Variants in CCDC171 observed in about 807,000 individuals in gnomAD.
CCDC171 encodes coiled-coil domain containing 171.
In CCDC171, 177 loss-of-function variants were observed where a neutral mutation model predicts 168.2. The ratio of observed to expected loss-of-function variants is 1.05; its 90% CI spans 0.93 to 1.19. The LOEUF is 1.19. Among genes scored for constraint, CCDC171 ranks in the 50% most tolerant of loss-of-function variants. The pLI, the probability that CCDC171 is intolerant of heterozygous loss-of-function variation, is 0.00. For missense variants in CCDC171, 1,991 were observed against 1,539.0 expected, an observed-to-expected ratio of 1.29 and a Z score of -4.91; for synonymous variants, 687 against 540.8, an observed-to-expected ratio of 1.27 and a Z score of -3.75.
intron 18 of CCDC171, among the ~76,000 whole-genome samples, chr9:15,777,093 C>T (rs1181070977): frequency 6.6e-6 from 1 of 152,184 alleles, no homozygotes; most frequent in Non-Finnish European, 1.5e-5. Context: ...ATGAATCTAG[C>T]AGTAAGCAGG....
At chr9:16,105,923 C>T in the CCDC171 span, among the ~76,000 whole-genome samples, 1 of 152,230 alleles carries the variant, frequency 6.6e-6, no homozygotes, top group Admixed American at 6.5e-5. Flanking sequence ...ACAGATTCTT[C>T]TGGCCAAGAA....
intron 7 of CCDC171, among the ~76,000 whole-genome samples, chr9:15,625,086 A>T (rs2044942558): frequency 6.6e-6 from 1 of 152,098 alleles, no homozygotes; most frequent in Admixed American, 6.6e-5. Context: ...GCATTTTTTC[A>T]TGTGTCTGTT....
At chr9:15,897,193 A>G (rs1280530396) in intron 24 of CCDC171, among the ~76,000 whole-genome samples, 10 of 152,078 alleles carry the variant, frequency 6.6e-5, no homozygotes, top group African/African-American at 2.4e-4. Context: ...TACTGATGCT[A>G]ACAGGTCCTT....
rs144569117 is a variant in CCDC171 at position 15,740,767 on chromosome 9, A to G, written c.2050-3506A>G. Among the ~76,000 whole-genome samples, 406 of 152,184 alleles carry G rather than the reference A, an allele frequency of 2.7e-3. 3 individuals are homozygous for G. The highest frequency in any genetic ancestry group is 8.3e-3 in the African/African-American group (345 of 41,542). ...AATTAGAGGTTTTGTTGGTGTTTCA[A>G]TATGTGGTGGGGCTGTTCCCCTCTC... On this transcript the variant is annotated intron_variant, in intron 16 of 25. Coordinates refer to ENST00000380701, the MANE Select transcript of CCDC171 (RefSeq NM_173550.4).
chr9:15,936,994 G>C (rs1409537242), intron 25 of CCDC171, among the ~76,000 whole-genome samples: 1 of 152,006 alleles, frequency 6.6e-6, no homozygotes, highest in African/African-American at 2.4e-5. Context: ...GGACATTAAA[G>C]GGATAGTTAA....
chr9:16,049,705 C>T lies in CCDC171; in HGVS notation n.89+6819C>T, dbSNP rs535678045. Among the ~76,000 whole-genome samples the T allele has an allele frequency of 1.0e-3, 156 of 152,160 alleles. 5 individuals are homozygous for T. In the South Asian group the frequency reaches 0.031, roughly 30 times the overall value. ...GACAGAGCCACACTACCAGCATCCC[C>T]GGGTCTCCAGCTTGCAGATGGCCTG... is the stretch of plus-strand genomic sequence containing the variant. On this transcript the variant is annotated intron_variant and non_coding_transcript_variant, in intron 1 of 1. Transcript: ENST00000478913.
At chr9:15,897,344 A>G (rs532772658) in intron 24 of CCDC171, among the ~76,000 whole-genome samples, 9 of 151,972 alleles carry the variant, frequency 5.9e-5, no homozygotes, top group African/African-American at 2.2e-4. Context: ...TCTAAGCTTA[A>G]TTTTTTCCCA....
At chr9:15,722,444 A>G (rs1481921859) in intron 12 of CCDC171, among the ~76,000 whole-genome samples, 2 of 152,166 alleles carry the variant, frequency 1.3e-5, no homozygotes, top group Non-Finnish European at 2.9e-5. Context: ...TCCCATTTGT[A>G]TTGTTTAATG....
At chr9:15,849,392 A>G (rs2130790800) in intron 23 of CCDC171, among the ~76,000 whole-genome samples, 1 of 151,432 alleles carries the variant, frequency 6.6e-6, no homozygotes, top group Admixed American at 6.6e-5. Context: ...TGTTATTCAA[A>G]TTGAAATTTT....
At position 15,614,106 on chromosome 9, in the gene CCDC171, C is replaced by T. The variant is rs190605637; in HGVS notation, c.676-9161C>T. 3.4e-3 allele frequency among the ~76,000 whole-genome samples: 519 copies of T among 152,326 alleles called. 1 individual carries two copies. Among genetic ancestry groups the T allele is most frequent in the Non-Finnish European group, 5.2e-3 (355 of 68,038 alleles). ...CAAAACTCTGCCTTAGCCTTTGCTT[C>T]CTACTTGCACAGAGCCTTAAGGTCA... On this transcript the variant is annotated intron_variant, in intron 6 of 25. Coordinates refer to ENST00000380701, the MANE Select transcript of CCDC171 (RefSeq NM_173550.4).
chr9:15,897,790 G>A (rs944229750), intron 24 of CCDC171, among the ~76,000 whole-genome samples: 37 of 152,174 alleles, frequency 2.4e-4, no homozygotes, highest in Non-Finnish European at 4.9e-4. Context: ...GGAAAGCCTG[G>A]ATTAAGTCTA....
chr9:15,903,160 G>GT (rs1821961376), intron 24 of CCDC171, among the ~76,000 whole-genome samples: 1 of 152,198 alleles, frequency 6.6e-6, no homozygotes, highest in Admixed American at 6.5e-5. Context: ...AAATGTCCCT[G>GT]TCTGACAGCT....
Position 15,594,179 on chromosome 9 carries a change from T to C in CCDC171, c.675+7T>C, listed in dbSNP as rs1396308478. The stretch of plus-strand genomic sequence containing the variant: ...ATTACAATTTATAGTACAGGTATTT[T>C]AAAAATAATCAGTTCCTTAAATATA... On this transcript the variant is annotated splice_region_variant and intron_variant, in intron 6 of 25. Transcript: ENST00000380701. 7.5e-7 allele frequency: 1 copy of C among 1,325,432 alleles called. No homozygotes were observed. Among genetic ancestry groups the C allele is most frequent in the African/African-American group, 1.5e-5 (1 of 66,906 alleles). The allele number at this position is 1,325,432 out of a possible 1,614,324, so 82.1% of individuals were successfully genotyped here.
At chr9:15,595,440 T>C (rs1035736973) in intron 6 of CCDC171, among the ~76,000 whole-genome samples, 32 of 152,278 alleles carry the variant, frequency 2.1e-4, no homozygotes, top group African/African-American at 7.5e-4. Flanking sequence ...AGAATGATGG[T>C]TTCCAGCTTC....
At chr9:16,047,695 G>T (rs1401958047) in intron 1 of CCDC171, among the ~76,000 whole-genome samples, 1 of 152,202 alleles carries the variant, frequency 6.6e-6, no homozygotes, top group African/African-American at 2.4e-5. Flanking sequence ...ACGTGGATTT[G>T]AATCCTGGTA....
intron 18 of CCDC171, among the ~76,000 whole-genome samples, chr9:15,763,578 A>G (rs1374127978): frequency 6.6e-6 from 1 of 152,198 alleles, no homozygotes; most frequent in African/African-American, 2.4e-5. Context: ...CACTCCAGAA[A>G]TGCCAAGGTT....
chr9:15,654,547 T>G (rs1198707295), intron 7 of CCDC171, among the ~76,000 whole-genome samples: 2 of 152,238 alleles, frequency 1.3e-5, no homozygotes, highest in African/African-American at 4.8e-5. Context: ...ATTCAGTTTT[T>G]ATTTCTATTT....
chr9:15,634,514 G>A (rs569697119), intron 7 of CCDC171, among the ~76,000 whole-genome samples: 1 of 152,232 alleles, frequency 6.6e-6, no homozygotes, highest in South Asian at 2.1e-4. Context: ...TCAGCTTCTG[G>A]TTCAGATTTA....
chr9:15,979,760 G>A (rs1220631154), intron 3 of CCDC171, among the ~76,000 whole-genome samples: 1 of 151,496 alleles, frequency 6.6e-6, no homozygotes, highest in African/African-American at 2.4e-5. Context: ...GTTTTCTTGT[G>A]ATATCTTTAT....
Sources: allele counts gnomAD v4.1 joint callset (sites outside exome capture counted in the v4.1 genomes callset), GRCh38; gene constraint gnomAD v4.1.1; transcripts MANE v1.5; gene names NCBI Gene and HGNC (gene_info 2026-07-23, HGNC 2026-07-21).